The following ETV6 variants were observed in gnomAD, a reference collection of about 807,000 sequenced individuals.
ETV6 encodes the protein ETS variant transcription factor 6.
ETV6 carries 16 observed loss-of-function variants against 51.1 expected under a neutral mutation model. The observed-to-expected ratio is 0.31, with a 90% CI of 0.21 to 0.48. The LOEUF (loss-of-function observed/expected upper bound fraction) is 0.48, where lower values mean the gene tolerates loss of function less well. Ranked by LOEUF, ETV6 falls within the 20% of genes least tolerant of loss-of-function variation. The pLI, the probability that ETV6 is intolerant of heterozygous loss-of-function variation, is 0.99. For missense variants in ETV6, 458 were observed against 594.8 expected (o/e 0.77, Z 2.39); for synonymous variants, 240 against 224.1 (o/e 1.07, Z -0.64).
intron 2 of ETV6, among the ~76,000 whole-genome samples, chr12:11,769,931 G>A (rs1945217356): frequency 6.6e-6 from 1 of 152,188 alleles, no homozygotes; most frequent in South Asian, 2.1e-4. Flanking sequence ...CCCTTGGGCA[G>A]GTGGCACGGG....
intron 1 of ETV6, among the ~76,000 whole-genome samples, chr12:11,669,961 T>A (rs994162913): frequency 2.6e-5 from 4 of 150,966 alleles, no homozygotes; most frequent in Non-Finnish European, 5.9e-5. Context: ...CTTCACACCA[T>A]CTTCTTGCCC....
intron 4 of ETV6, among the ~76,000 whole-genome samples, chr12:11,863,952 C>T (rs551297274): frequency 6.6e-6 from 1 of 152,246 alleles, no homozygotes; most frequent in South Asian, 2.1e-4. Context: ...ACCCTCGGAT[C>T]CAGTTCTCTA....
chr12:11,824,214 C>T (rs74060865), intron 2 of ETV6, among the ~76,000 whole-genome samples: 1,689 of 152,266 alleles, frequency 0.011, 32 homozygotes, highest in African/African-American at 0.035. Flanking sequence ...CAAAACCCAG[C>T]GACGAGACAT....
chr12:11,752,620 G>C (rs576438673), intron 2 of ETV6, 41 bp downstream of exon 2: 3 of 1,581,822 alleles, frequency 1.9e-6, no homozygotes, highest in Non-Finnish European at 2.6e-6. Flanking sequence ...GATTGATGGC[G>C]TGGGGCGGGG....
chr12:11,874,473 CGTGTATGTGCGTGTGTACACACATAT>C lies in ETV6; in HGVS notation c.1009+4531_1009+4556del, dbSNP rs1565562341. Among the ~76,000 whole-genome samples, 17 of 3,448 alleles carry C rather than the reference CGTGTATGTGCGTGTGTACACACATAT, an allele frequency of 4.9e-3. 2 individuals are homozygous for C. Among genetic ancestry groups the C allele is most frequent in the Admixed American group, 0.018 (3 of 170 alleles). The allele number at this position is 3,448 out of a possible 152,430, so 2.3% of individuals were successfully genotyped here. ...ATGCGTATGTATATATACACACACACGTGTATGTGCGTGTGTACACACATATGTGTATGTGCGTGTGTACACACATA... is the reference window on the plus strand; with the variant it reads ...ATGCGTATGTATATATACACACACACGTGTATGTGCGTGTGTACACACATA... On this transcript the variant is annotated intron_variant, in intron 5 of 7. Transcript: ENST00000396373.
chr12:11,724,184 C>T (rs1210042935), intron 1 of ETV6, among the ~76,000 whole-genome samples: 1 of 152,226 alleles, frequency 6.6e-6, no homozygotes, highest in African/African-American at 2.4e-5. Flanking sequence ...GTTACTCTTG[C>T]AGCTCAGGTT....
intron 2 of ETV6, among the ~76,000 whole-genome samples, chr12:11,812,930 A>G (rs552521060): frequency 9.1e-4 from 139 of 152,176 alleles, no homozygotes; most frequent in Non-Finnish European, 1.7e-3. Flanking sequence ...CCTGCCACCC[A>G]AGAGGCAGTG....
chr12:11,707,758 G>A (rs976079607), intron 1 of ETV6, among the ~76,000 whole-genome samples: 17 of 152,204 alleles, frequency 1.1e-4, no homozygotes, highest in African/African-American at 3.6e-4. Flanking sequence ...CCTGGAGAAC[G>A]TCATGGCACA....
intron 1 of ETV6, among the ~76,000 whole-genome samples, chr12:11,666,287 T>C (rs1864192572): frequency 6.6e-6 from 1 of 151,568 alleles, no homozygotes; most frequent in African/African-American, 2.4e-5. Context: ...AGTCTTCTCT[T>C]GTACAGCCCA....
chr12:11,700,861 C>T (rs1283753401), intron 1 of ETV6, among the ~76,000 whole-genome samples: 2 of 152,016 alleles, frequency 1.3e-5, no homozygotes, highest in African/African-American at 2.4e-5. Context: ...AAAAAATTCA[C>T]ATATAAGTGG....
At chr12:11,698,505 TTA>T (rs1864920337) in intron 1 of ETV6, among the ~76,000 whole-genome samples, 1 of 152,176 alleles carries the variant, frequency 6.6e-6, no homozygotes, top group Non-Finnish European at 1.5e-5. Context: ...ACAGAGGATT[TTA>T]GTTTCTTACT....
At chr12:11,845,908 C>T (rs964045612) in intron 3 of ETV6, among the ~76,000 whole-genome samples, 6 of 151,580 alleles carry the variant, frequency 4.0e-5, no homozygotes, top group Non-Finnish European at 7.4e-5. Flanking sequence ...AGGAGAATCG[C>T]TTGAACCCAG....
chr12:11,655,490 A>G (rs1000626860), intron 1 of ETV6, among the ~76,000 whole-genome samples: 8 of 152,198 alleles, frequency 5.3e-5, no homozygotes, highest in South Asian at 2.1e-4. Context: ...CTATTAAAAA[A>G]CAAACACATT....
intron 1 of ETV6, among the ~76,000 whole-genome samples, chr12:11,685,065 C>G (rs1027183038): frequency 2.6e-5 from 4 of 152,196 alleles, no homozygotes; most frequent in African/African-American, 7.2e-5. Context: ...GGAGCTGGCC[C>G]AGGGGACAGT....
chr12:11,868,822 A>G (rs1280168931), intron 4 of ETV6, among the ~76,000 whole-genome samples: 2 of 152,196 alleles, frequency 1.3e-5, no homozygotes, highest in African/African-American at 4.8e-5. Flanking sequence ...GAGTTAAATG[A>G]TGGCCAAAAG....
At chr12:11,844,977 G>A (rs531116880) in intron 3 of ETV6, among the ~76,000 whole-genome samples, 9 of 152,150 alleles carry the variant, frequency 5.9e-5, no homozygotes, top group South Asian at 4.1e-4. Context: ...GACTACAGGC[G>A]TGCGCCACAA....
At chr12:11,884,977 C>T (rs751125302) in intron 6 of ETV6, among the ~76,000 whole-genome samples, 3 of 152,208 alleles carry the variant, frequency 2.0e-5, no homozygotes, top group African/African-American at 4.8e-5. Flanking sequence ...CAGTTAGAAA[C>T]TCCCATGTTC....
rs2136619587 is a variant in ETV6, at chr12:11,892,225, TTTTTTTTTC to T, written c.*1180_*1188del. ...CCCTCACCTGATTTTTTTTTTTTTT[TTTTTTTTTC>T]AATTCCTAACCTTTTTTAAAGTTTC... On this transcript the variant is annotated 3_prime_UTR_variant, in exon 8 of 8. Coordinates refer to ENST00000396373, the MANE Select transcript of ETV6 (RefSeq NM_001987.5). 1 of 229,156 alleles carries T rather than the reference TTTTTTTTTC, an allele frequency of 4.4e-6. No homozygotes were observed. Among genetic ancestry groups the T allele is most frequent in the African/African-American group, 2.3e-5 (1 of 44,110 alleles). The allele number at this position is 229,156 out of a possible 1,614,324, so 14.2% of individuals were successfully genotyped here.
chr12:11,653,411 C>T (rs1863942554), intron 1 of ETV6, among the ~76,000 whole-genome samples: 1 of 152,230 alleles, frequency 6.6e-6, no homozygotes, highest in African/African-American at 2.4e-5. Context: ...TCTCTAGTCC[C>T]CTCCTTCCCT....
Sources: allele counts gnomAD v4.1 joint callset (sites outside exome capture counted in the v4.1 genomes callset), GRCh38; gene constraint gnomAD v4.1.1; transcripts MANE v1.5; gene names NCBI Gene and HGNC (gene_info 2026-07-23, HGNC 2026-07-21).